Variants in NT5C3A observed in about 807,000 individuals in gnomAD.
The protein encoded by NT5C3A is 5'-nucleotidase, cytosolic IIIA.
In NT5C3A, 23 loss-of-function variants were observed where a neutral mutation model predicts 40.0. The ratio of observed to expected loss-of-function variants is 0.58; its 90% CI spans 0.41 to 0.81. The LOEUF is 0.81. Among genes scored for constraint, NT5C3A ranks in the 40% least tolerant of loss-of-function variants. NT5C3A has a pLI of 0.00. For missense variants in NT5C3A, 328 were observed against 403.0 expected, an observed-to-expected ratio of 0.81 and a Z score of 1.59; for synonymous variants, 130 against 141.4, an observed-to-expected ratio of 0.92 and a Z score of 0.57.
intron 1 of NT5C3A, among the ~76,000 whole-genome samples, chr7:33,038,269 A>G (rs1351550846): frequency 6.6e-6 from 1 of 152,200 alleles, no homozygotes; most frequent in East Asian, 1.9e-4. Flanking sequence ...ACAGTGAAGA[A>G]TTAAACACAT....
intron 1 of NT5C3A, among the ~76,000 whole-genome samples, chr7:33,060,256 G>A (rs1391206492): frequency 2.0e-5 from 3 of 151,836 alleles, no homozygotes; most frequent in Non-Finnish European, 2.9e-5. Flanking sequence ...CCCTGCCAAA[G>A]CAAACCTTTG....
chr7:33,041,259 T>C (rs1786899581), intron 1 of NT5C3A: 1 of 383,734 alleles, frequency 2.6e-6, no homozygotes, highest in African/African-American at 2.2e-5. Context: ...CTTTTCTGTA[T>C]ATTCTATTTT....
At position 33,026,894 on chromosome 7, in the gene NT5C3A, A is replaced by C; in HGVS notation, c.160T>G (p.Ser54Ala). The C allele has an allele frequency of 6.2e-7, 1 of 1,612,398 alleles. No individual in the cohort carries two copies. The highest frequency in any genetic ancestry group is 8.5e-7 in the Non-Finnish European group (1 of 1,179,226). Residue 54 changes from serine (S) to alanine (A), a missense_variant, in exon 2 of 9, where the codon TCA becomes GCA. Physicochemically the swap from Ser to Ala is moderately conservative, Grantham distance 99. Transcript: ENST00000610140. ...IEMMPEFQKS[S>A]VRIKNPTRVE... is the part of the protein sequence containing the mutation. Reference sequence around the variant, plus strand: ...CTTGTAGGGTTCTTGATTCGAACTGAACTTTTCTGGAATTCTGGCATCTAA... The same window carrying C: ...CTTGTAGGGTTCTTGATTCGAACTGCACTTTTCTGGAATTCTGGCATCTAA...
chr7:33,019,594 G>A, intron 6 of NT5C3A, 41 bp downstream of exon 6: 1 of 1,134,776 alleles, frequency 8.8e-7, no homozygotes, highest in Non-Finnish European at 1.3e-6. Context: ...AATAATTCAA[G>A]TCTGTGAACA....
At chr7:33,029,387 C>T (rs1424007334) in intron 1 of NT5C3A, 3 of 322,200 alleles carry the variant, frequency 9.3e-6, no homozygotes, top group East Asian at 1.6e-4. Context: ...TTTTAGGGAC[C>T]ACTGCTGTTT....
At position 33,062,746 on chromosome 7, in the gene NT5C3A, G is replaced by A. The variant is rs973503275; in HGVS notation, c.-41C>T. The A allele has an allele frequency of 7.7e-6, 12 of 1,549,384 alleles. No individual in the cohort carries two copies. The highest frequency in any genetic ancestry group is 1.2e-5 in the South Asian group (1 of 84,144). On this transcript the variant is annotated 5_prime_UTR_variant, in exon 1 of 9. Coordinates refer to ENST00000610140, the MANE Select transcript of NT5C3A (RefSeq NM_001002010.5). Reference sequence around the variant, plus strand: ...GCGCGTCCAAGCAGGAAAAAAACAGGCAGCTCGCGTAGACTGCGAGTCTCG... The same window carrying A: ...GCGCGTCCAAGCAGGAAAAAAACAGACAGCTCGCGTAGACTGCGAGTCTCG...
intron 1 of NT5C3A, among the ~76,000 whole-genome samples, chr7:33,062,196 G>T (rs1032813015): frequency 2.6e-5 from 4 of 152,148 alleles, no homozygotes; most frequent in Non-Finnish European, 4.4e-5. Context: ...GCAAGGCAGG[G>T]AGAGAAGGAG....
Position 33,017,503 on chromosome 7 carries a change from C to T in NT5C3A, c.629G>A (p.Arg210His), listed in dbSNP as rs138108298. The change falls in exon 7 of 9, where the codon CGT (arginine) becomes CAT (histidine). Residue 210 changes from arginine (R) to histidine (H), a missense_variant. By Grantham distance (29) the Arg-to-His change is conservative. Transcript: ENST00000610140. The stretch of plus-strand genomic sequence containing the variant: ...ATTGGGATGATAAACACCAGCTTGA[C>T]GAATAACTTCCTCTAGTACATCGCC... ...GIGDVLEEVIRQAGVYHPNVK... is the reference protein window; with the variant it reads ...GIGDVLEEVIHQAGVYHPNVK... The T allele has an allele frequency of 7.3e-5, 118 of 1,613,476 alleles. No individual in the cohort carries two copies. The highest frequency in any genetic ancestry group is 8.8e-5 in the Non-Finnish European group (104 of 1,179,540).
chr7:33,034,978 A>G lies in NT5C3A; in HGVS notation c.139-8063T>C, dbSNP rs1381577041. On this transcript the variant is annotated intron_variant, in intron 1 of 8. Coordinates refer to ENST00000610140, the MANE Select transcript of NT5C3A (RefSeq NM_001002010.5). ...GAGAACAGATGTAATTTCTTTCCAC[A>G]CATGCAAATAAATATGCCAGTTACA... Among the ~76,000 whole-genome samples the G allele has an allele frequency of 2.0e-5, 3 of 152,180 alleles. No individual in the cohort carries two copies. The East Asian group carries it at 5.8e-4, about 29-fold the overall frequency.
chr7:33,062,250 T>G (rs954878549), intron 1 of NT5C3A, among the ~76,000 whole-genome samples: 1 of 152,178 alleles, frequency 6.6e-6, no homozygotes, highest in Non-Finnish European at 1.5e-5. Context: ...GAAACGGGTT[T>G]TGCAGCACAA....
chr7:33,062,487 G>T, intron 1 of NT5C3A, 81 bp downstream of exon 1: 3 of 1,313,050 alleles, frequency 2.3e-6, no homozygotes, highest in Non-Finnish European at 3.2e-6. Flanking sequence ...CCGAACAGCG[G>T]CCCAGCACAG....
chr7:33,027,574 C>T (rs1008920191), intron 1 of NT5C3A, among the ~76,000 whole-genome samples: 5 of 152,096 alleles, frequency 3.3e-5, no homozygotes, highest in Admixed American at 2.0e-4. Context: ...AGTTCAACTA[C>T]GTGAAGATAA....
chr7:33,021,458 T>C, intron 4 of NT5C3A, 101 bp from the exon 5 acceptor site: 1 of 1,416,076 alleles, frequency 7.1e-7, no homozygotes, highest in African/African-American at 1.4e-5. Flanking sequence ...TTCAACAAAC[T>C]GCTTTAAAAG....
chr7:33,018,862 G>C (rs981110236), intron 6 of NT5C3A, among the ~76,000 whole-genome samples: 1 of 151,536 alleles, frequency 6.6e-6, no homozygotes, highest in Non-Finnish European at 1.5e-5. Context: ...AAAGCTTCTT[G>C]TATCTTATAA....
chr7:33,040,884 C>T (rs551797773), intron 1 of NT5C3A: 10 of 985,122 alleles, frequency 1.0e-5, no homozygotes, highest in African/African-American at 3.5e-5. Flanking sequence ...TGAAGGTAAC[C>T]GGACGAGCTA....
At chr7:33,031,295 A>G (rs1222765913) in intron 1 of NT5C3A, among the ~76,000 whole-genome samples, 2 of 151,314 alleles carry the variant, frequency 1.3e-5, no homozygotes, top group African/African-American at 2.4e-5. Flanking sequence ...TTTGATTAAA[A>G]AAGAAAACAC....
At chr7:33,030,048 A>C (rs1005644393) in intron 1 of NT5C3A, among the ~76,000 whole-genome samples, 1 of 151,974 alleles carries the variant, frequency 6.6e-6, no homozygotes, top group Non-Finnish European at 1.5e-5. Context: ...TGACCATTCT[A>C]TCTGTCTTGG....
chr7:33,037,054 C>A (rs1786646035), intron 1 of NT5C3A, among the ~76,000 whole-genome samples: 1 of 152,194 alleles, frequency 6.6e-6, no homozygotes, highest in Non-Finnish European at 1.5e-5. Context: ...TCGTGATCCA[C>A]CCGCCTCTGC....
rs749709846 is a variant in NT5C3A, at chr7:33,062,517, G to T, written c.138+51C>A. ...GCACAGGCTGCCGAGGCCAGCGGAC[G>T]GCCCAGCCGGCCCCTCGCGTGCTCT... is the stretch of plus-strand genomic sequence containing the variant. On this transcript the variant is annotated intron_variant, in intron 1 of 8. Coordinates refer to ENST00000610140, the MANE Select transcript of NT5C3A (RefSeq NM_001002010.5). 8 of 1,529,350 alleles carry T rather than the reference G, an allele frequency of 5.2e-6. No individual in the cohort carries two copies. The African/African-American group carries it at 5.5e-5, about 11-fold the overall frequency. The allele number at this position is 1,529,350 out of a possible 1,614,324, so 94.7% of individuals were successfully genotyped here.
Sources: allele counts gnomAD v4.1 joint callset (sites outside exome capture counted in the v4.1 genomes callset), GRCh38; gene constraint gnomAD v4.1.1; transcripts MANE v1.5; gene names NCBI Gene and HGNC (gene_info 2026-07-23, HGNC 2026-07-21).